Variants in TRPC4 observed in about 807,000 individuals in gnomAD.
TRPC4 encodes the protein transient receptor potential cation channel subfamily C member 4, also known as short transient receptor potential channel 4.
Under a neutral mutation model 99.4 loss-of-function variants are expected in TRPC4, and 49 were observed. The ratio of observed to expected loss-of-function variants is 0.49; its 90% CI spans 0.39 to 0.63. The LOEUF is 0.63. TRPC4 is among the 20% of genes least tolerant of loss of function. The pLI is 0.00. For synonymous variants in TRPC4, 454 were observed against 425.9 expected (o/e 1.07, Z -0.81); for missense variants, 898 against 1,152.9 (o/e 0.78, Z 3.20).
At chr13:37,740,749 A>G (rs570570018) in intron 3 of TRPC4, among the ~76,000 whole-genome samples, 1 of 152,180 alleles carries the variant, frequency 6.6e-6, no homozygotes, top group African/African-American at 2.4e-5. Flanking sequence ...CAGAACCAAC[A>G]ATCTTGAGAT....
Position 37,757,088 on chromosome 13 carries a change from A to G in TRPC4, c.379-10633T>C, listed in dbSNP as rs1165318381. Among the ~76,000 whole-genome samples, 5 of 14,462 alleles carry G rather than the reference A, an allele frequency of 3.5e-4. No individual in the cohort carries two copies. In the East Asian group the frequency reaches 0.4, roughly 1,157 times the overall value. 9.5% of individuals were successfully genotyped at this position (14,462 alleles called of 152,430 possible). A position where few individuals can be genotyped will look rare whatever the true frequency, so the allele number is the denominator to read the frequency against. ...ATATATTTAAATATATGTAAAATACATTAAAAAATATGCAATGTGGTAACA... is the reference window on the plus strand; with the variant it reads ...ATATATTTAAATATATGTAAAATACGTTAAAAAATATGCAATGTGGTAACA... On this transcript the variant is annotated intron_variant, in intron 2 of 10. Coordinates refer to ENST00000379705, the MANE Select transcript of TRPC4 (RefSeq NM_016179.4).
intron 6 of TRPC4, among the ~76,000 whole-genome samples, chr13:37,659,254 A>G (rs1952350892): frequency 6.6e-6 from 1 of 152,008 alleles, no homozygotes; most frequent in Non-Finnish European, 1.5e-5. Flanking sequence ...TTCTCACACT[A>G]TCAGTTCTCA....
At position 37,649,456 on chromosome 13, in the gene TRPC4, C is replaced by T. The variant is rs1266892622; in HGVS notation, c.2079+1809G>A. 3.3e-5 allele frequency among the ~76,000 whole-genome samples: 5 copies of T among 151,952 alleles called. No individual in the cohort carries two copies. In the East Asian group the frequency reaches 7.8e-4, roughly 24 times the overall value. On this transcript the variant is annotated intron_variant, in intron 8 of 10. Transcript: ENST00000379705. ...TGCTTATTAAATCTAAGCTATTGGC[C>T]GGGCGCGGTGGCTCACGCCTGTAAT... is the stretch of plus-strand genomic sequence containing the variant.
intron 1 of TRPC4, among the ~76,000 whole-genome samples, chr13:37,824,955 T>C (rs899568986): frequency 3.9e-5 from 6 of 152,280 alleles, no homozygotes; most frequent in Non-Finnish European, 5.9e-5. Context: ...TCTGATCCTG[T>C]TATTGGTCTA....
intron 1 of TRPC4, among the ~76,000 whole-genome samples, chr13:37,842,343 C>CAAAAAAAAAAAAAAAAAAAAAAA (rs57428116): frequency 6.4e-5 from 1 of 15,644 alleles, no homozygotes; most frequent in African/African-American, 1.9e-4. Flanking sequence ...AGCGTCTAGC[C>CAAAAAAAAAAAAAAAAAAAAAAA]AAAAAAAAAA....
chr13:37,842,372 G>GAAAAAAAA lies in TRPC4; in HGVS notation c.-28+27222_-28+27223insTTTTTTTT, dbSNP rs1566216069. Among the ~76,000 whole-genome samples the GAAAAAAAA allele has an allele frequency of 6.7e-4, 48 of 72,108 alleles. 3 individuals are homozygous for GAAAAAAAA. Among genetic ancestry groups the GAAAAAAAA allele is most frequent in the East Asian group, 1.4e-3 (3 of 2,188 alleles). The allele number at this position is 72,108 out of a possible 152,430, so 47.3% of individuals were successfully genotyped here. On this transcript the variant is annotated intron_variant, in intron 1 of 10. Coordinates refer to ENST00000379705, the MANE Select transcript of TRPC4 (RefSeq NM_016179.4). ...AAAAAAAAAAAAAAAAAAAAAAAAG[G>GAAAAAAAA]AAAAGGAAAAGTATAAATCGGGGGC...
intron 1 of TRPC4, among the ~76,000 whole-genome samples, chr13:37,861,267 T>G (rs1018670574): frequency 3.3e-5 from 5 of 151,564 alleles, no homozygotes; most frequent in Admixed American, 6.6e-5. Context: ...TATTTACATT[T>G]TTAAAAAAAT....
intron 3 of TRPC4, among the ~76,000 whole-genome samples, chr13:37,718,192 G>A (rs1057193079): frequency 3.9e-5 from 6 of 152,012 alleles, no homozygotes; most frequent in East Asian, 3.9e-4. Flanking sequence ...CCATGCATAC[G>A]TAGGGCAGAC....
chr13:37,848,154 G>A (rs1336161885), intron 1 of TRPC4, among the ~76,000 whole-genome samples: 1 of 151,990 alleles, frequency 6.6e-6, no homozygotes, highest in Non-Finnish European at 1.5e-5. Context: ...CTGTAATAGA[G>A]TACATTTCAA....
chr13:37,675,794 A>G (rs546661600), intron 4 of TRPC4, among the ~76,000 whole-genome samples: 17 of 152,256 alleles, frequency 1.1e-4, no homozygotes, highest in African/African-American at 3.6e-4. Context: ...GGCCTGCCTA[A>G]GTCTGACCCT....
chr13:37,761,814 T>C (rs970849081), intron 2 of TRPC4, among the ~76,000 whole-genome samples: 1 of 151,884 alleles, frequency 6.6e-6, no homozygotes, highest in South Asian at 2.1e-4. Context: ...TAGTGCTTGA[T>C]TCATCTGAAA....
At chr13:37,708,002 G>A (rs1954346449) in intron 3 of TRPC4, among the ~76,000 whole-genome samples, 1 of 151,996 alleles carries the variant, frequency 6.6e-6, no homozygotes, top group Non-Finnish European at 1.5e-5. Context: ...ACTGGGGGAG[G>A]AGGAAAAGTT....
chr13:37,764,783 A>G (rs1304004175), intron 2 of TRPC4, among the ~76,000 whole-genome samples: 2 of 135,408 alleles, frequency 1.5e-5, no homozygotes, highest in Non-Finnish European at 3.2e-5. Context: ...GTTTTCCCCT[A>G]TCATTGATAG....
intron 2 of TRPC4, among the ~76,000 whole-genome samples, chr13:37,768,197 T>C (rs1462079042): frequency 6.6e-6 from 1 of 151,498 alleles, no homozygotes; most frequent in African/African-American, 2.4e-5. Flanking sequence ...CACAAAAACT[T>C]AGTCTTCAGG....
intron 1 of TRPC4, among the ~76,000 whole-genome samples, chr13:37,797,540 T>C (rs892841682): frequency 6.6e-6 from 1 of 152,164 alleles, no homozygotes. Flanking sequence ...GATATAAATA[T>C]TATAAAAGGC....
At chr13:37,788,842 G>T (rs1957036989) in intron 1 of TRPC4, among the ~76,000 whole-genome samples, 1 of 152,080 alleles carries the variant, frequency 6.6e-6, no homozygotes, top group African/African-American at 2.4e-5. Flanking sequence ...CAAGATGGTA[G>T]CCATTAGTCA....
intron 10 of TRPC4, 41 bp from the exon 11 acceptor site, chr13:37,637,666 A>G (rs547811453): frequency 1.3e-6 from 2 of 1,516,896 alleles, no homozygotes; most frequent in South Asian, 1.3e-5. Context: ...TATGACTTAA[A>G]CATTTGGAAA....
chr13:37,708,200 G>A (rs1463426834), intron 3 of TRPC4, among the ~76,000 whole-genome samples: 1 of 152,050 alleles, frequency 6.6e-6, no homozygotes, highest in African/African-American at 2.4e-5. Context: ...TAGATTTTCT[G>A]TGGAAATAAG....
intron 3 of TRPC4, among the ~76,000 whole-genome samples, chr13:37,714,559 C>T (rs1954599682): frequency 6.6e-6 from 1 of 152,198 alleles, no homozygotes; most frequent in South Asian, 2.1e-4. Flanking sequence ...CTGCTTTTAG[C>T]ATTTAGGATA....
Sources: gnomAD v4.1 joint callset for allele counts (sites outside exome capture counted in the v4.1 genomes callset) on GRCh38, gnomAD v4.1.1 for gene constraint, MANE v1.5 for transcripts, NCBI Gene and HGNC (gene_info 2026-07-23, HGNC 2026-07-21) for gene names.